SYN3: variants seen among roughly 807,000 people sequenced by gnomAD.
SYN3 encodes the protein synapsin-3.
SYN3 carries 35 observed loss-of-function variants against 65.8 expected under a neutral mutation model. The ratio of observed to expected loss-of-function variants is 0.53; its 90% CI spans 0.41 to 0.70. The LOEUF (loss-of-function observed/expected upper bound fraction) is 0.70. SYN3 is among the 30% of genes least tolerant of loss of function. The pLI, the probability that SYN3 is intolerant of heterozygous loss-of-function variation, is 0.00. For synonymous variants in SYN3, 270 were observed against 292.9 expected (o/e 0.92, Z 0.80); for missense variants, 680 against 749.0 (o/e 0.91, Z 1.08).
chr22:32,630,017 C>T (rs1372410135), intron 6 of SYN3: 1 of 149,120 alleles, frequency 6.7e-6, no homozygotes, highest in East Asian at 2.0e-4. Flanking sequence ...CGGAGTCTCG[C>T]TCTGTTGCCA....
intron 4 of SYN3, among the ~76,000 whole-genome samples, chr22:32,879,766 G>C (rs923146152): frequency 6.6e-6 from 1 of 152,166 alleles, no homozygotes; most frequent in African/African-American, 2.4e-5. Context: ...GCACATAGTA[G>C]GTACTCAAGG....
chr22:32,781,355 G>A lies in SYN3; in HGVS notation c.711+83560C>T, dbSNP rs375310745. ...GTACATCCTCAATAAATCCCTGAGA[G>A]CCTGAATAGATGATGGTGGTTAAGG... On this transcript the variant is annotated intron_variant, in intron 6 of 13. Coordinates refer to ENST00000358763, the MANE Select transcript of SYN3 (RefSeq NM_003490.4). Among the ~76,000 whole-genome samples the A allele has an allele frequency of 1.1e-3, 174 of 152,172 alleles. 4 individuals carry two copies. The South Asian group carries it at 0.035, about 31-fold the overall frequency.
chr22:32,515,925 A>G (rs1179864464), intron 13 of SYN3, among the ~76,000 whole-genome samples: 1 of 151,754 alleles, frequency 6.6e-6, no homozygotes, highest in Admixed American at 6.6e-5. Context: ...CAGCCTCCCT[A>G]GCAGCTGGGA....
intron 5 of SYN3, among the ~76,000 whole-genome samples, chr22:32,865,933 C>T (rs1407820131): frequency 6.6e-6 from 1 of 152,032 alleles, no homozygotes; most frequent in Non-Finnish European, 1.5e-5. Context: ...GGAGAAAGGG[C>T]CCTCCGGGTG....
chr22:33,049,770 C>T (rs1351948371), intron 1 of SYN3, among the ~76,000 whole-genome samples: 2 of 152,174 alleles, frequency 1.3e-5, no homozygotes, highest in African/African-American at 4.8e-5. Context: ...GTCAGGGTCT[C>T]AGCCCATCCA....
At chr22:33,005,020 T>C (rs577373667) in intron 2 of SYN3, among the ~76,000 whole-genome samples, 1 of 152,316 alleles carries the variant, frequency 6.6e-6, no homozygotes, top group African/African-American at 2.4e-5. Flanking sequence ...GATGGTTTTA[T>C]AAGGGGCTTC....
rs528799690 is a variant in SYN3 at position 32,517,833 on chromosome 22, C to T, written c.1610+210G>A. Among the ~76,000 whole-genome samples, 22 of 152,140 alleles carry T rather than the reference C, an allele frequency of 1.4e-4. No homozygotes were observed. The South Asian group carries it at 3.8e-3, about 26-fold the overall frequency. On this transcript the variant is annotated intron_variant, in intron 13 of 13. Coordinates refer to ENST00000358763, the MANE Select transcript of SYN3 (RefSeq NM_003490.4). ...GGTAAATGGCTGGTATGTGTATACACGGAGGGTCACGGTGGTGTCTAATCT... is the reference window on the plus strand; with the variant it reads ...GGTAAATGGCTGGTATGTGTATACATGGAGGGTCACGGTGGTGTCTAATCT...
At chr22:32,566,561 C>T (rs933230569) in intron 7 of SYN3, among the ~76,000 whole-genome samples, 1 of 152,174 alleles carries the variant, frequency 6.6e-6, no homozygotes, top group Non-Finnish European at 1.5e-5. Context: ...AACAGTGACA[C>T]AACCCGGAGG....
intron 1 of SYN3, among the ~76,000 whole-genome samples, chr22:33,025,599 G>T (rs1232865029): frequency 6.6e-6 from 1 of 150,582 alleles, no homozygotes; most frequent in Non-Finnish European, 1.5e-5. Flanking sequence ...GCACCACTGG[G>T]TGACAACCTG....
rs1188562653 is a variant in SYN3 at position 32,511,218 on chromosome 22, G to T, written c.*2474C>A. On this transcript the variant is annotated 3_prime_UTR_variant, in exon 14 of 14. Transcript: ENST00000358763. Reference sequence around the variant, plus strand: ...CAAGGGAGTGGTGAAAGAATTAAGTGAGCAGCAGCAGGAGGATGAAGCAAA... The same window carrying T: ...CAAGGGAGTGGTGAAAGAATTAAGTTAGCAGCAGCAGGAGGATGAAGCAAA... Among the ~76,000 whole-genome samples, 1 of 152,140 alleles carries T rather than the reference G, an allele frequency of 6.6e-6. No individual in the cohort carries two copies. The highest frequency in any genetic ancestry group is 1.5e-5 in the Non-Finnish European group (1 of 68,024).
At chr22:32,923,037 A>G (rs1027923427) in intron 4 of SYN3, among the ~76,000 whole-genome samples, 6 of 152,192 alleles carry the variant, frequency 3.9e-5, no homozygotes, top group Non-Finnish European at 5.9e-5. Context: ...AGAGGCTGAC[A>G]AGTTCCACAA....
chr22:32,869,153 C>T, intron 4 of SYN3, 28 bp from the exon 5 acceptor site: 1 of 1,601,774 alleles, frequency 6.2e-7, no homozygotes. Context: ...AGTGTTACCA[C>T]ACTGGGACAT....
At chr22:32,699,267 T>G (rs2060779943) in intron 6 of SYN3, among the ~76,000 whole-genome samples, 1 of 152,170 alleles carries the variant, frequency 6.6e-6, no homozygotes, top group Admixed American at 6.5e-5. Context: ...GGACAGCCCC[T>G]GGCATGTAGG....
intron 4 of SYN3, among the ~76,000 whole-genome samples, chr22:32,930,424 T>TA (rs1237194457): frequency 6.6e-6 from 1 of 152,226 alleles, no homozygotes; most frequent in African/African-American, 2.4e-5. Context: ...GTGAGTCCAG[T>TA]AAGCCTCTTT....
At chr22:33,047,866 A>G (rs1338519467) in intron 1 of SYN3, among the ~76,000 whole-genome samples, 3 of 145,344 alleles carry the variant, frequency 2.1e-5, no homozygotes, top group African/African-American at 2.7e-5. Context: ...TCATGTGCAA[A>G]AAAAAAAAAA....
At chr22:32,658,449 G>C (rs1225827384) in intron 6 of SYN3, among the ~76,000 whole-genome samples, 1 of 152,230 alleles carries the variant, frequency 6.6e-6, no homozygotes, top group Admixed American at 6.5e-5. Context: ...GGTCAGCGAG[G>C]GACATGCTGA....
chr22:33,004,186 G>C (rs1018146325), intron 2 of SYN3, among the ~76,000 whole-genome samples: 1 of 152,232 alleles, frequency 6.6e-6, no homozygotes, highest in Non-Finnish European at 1.5e-5. Flanking sequence ...GGGAAATGTG[G>C]GGTTGGAGCC....
chr22:33,018,059 A>G (rs2053499314), intron 1 of SYN3, among the ~76,000 whole-genome samples: 1 of 152,200 alleles, frequency 6.6e-6, no homozygotes, highest in South Asian at 2.1e-4. Flanking sequence ...TTTGAAGCCA[A>G]TTGTGAAAGT....
intron 7 of SYN3, among the ~76,000 whole-genome samples, chr22:32,595,935 G>C (rs1318681331): frequency 6.6e-6 from 1 of 152,136 alleles, no homozygotes; most frequent in Non-Finnish European, 1.5e-5. Flanking sequence ...AAATTAGCCA[G>C]GTATTATGGC....
Sources: allele counts gnomAD v4.1 joint callset (sites outside exome capture counted in the v4.1 genomes callset), GRCh38; gene constraint gnomAD v4.1.1; transcripts MANE v1.5; gene names NCBI Gene and HGNC (gene_info 2026-07-23, HGNC 2026-07-21).